GALNTL6: variants seen among roughly 807,000 people sequenced by gnomAD.
The protein encoded by GALNTL6 is polypeptide N-acetylgalactosaminyltransferase-like 6.
Under a neutral mutation model 73.7 loss-of-function variants are expected in GALNTL6, and 46 were observed. The observed-to-expected ratio is 0.62, with a 90% CI of 0.49 to 0.80. GALNTL6 has a LOEUF of 0.80. GALNTL6 is among the 30% of genes least tolerant of loss of function. The pLI is 0.00. For synonymous variants in GALNTL6, 259 were observed against 263.7 expected, an observed-to-expected ratio of 0.98 and a Z score of 0.17; for missense variants, 604 against 755.0, an observed-to-expected ratio of 0.80 and a Z score of 2.34.
At chr4:172,986,134 T>C (rs959855963) in intron 10 of GALNTL6, among the ~76,000 whole-genome samples, 2 of 152,242 alleles carry the variant, frequency 1.3e-5, no homozygotes, top group African/African-American at 4.8e-5. Flanking sequence ...CCAGATTTCT[T>C]TCACTGTCAT....
chr4:171,938,398 T>C (rs1343824002), intron 2 of GALNTL6, among the ~76,000 whole-genome samples: 1 of 152,164 alleles, frequency 6.6e-6, no homozygotes. Flanking sequence ...GCCATTTCTT[T>C]GTGTAGCATT....
At chr4:172,489,934 C>T (rs1359980516) in intron 5 of GALNTL6, among the ~76,000 whole-genome samples, 1 of 152,078 alleles carries the variant, frequency 6.6e-6, no homozygotes, top group African/African-American at 2.4e-5. Flanking sequence ...TAATTAGATA[C>T]TGAAAAAGAG....
At chr4:172,678,610 C>T (rs1732442280) in intron 5 of GALNTL6, among the ~76,000 whole-genome samples, 1 of 152,194 alleles carries the variant, frequency 6.6e-6, no homozygotes, top group Non-Finnish European at 1.5e-5. Flanking sequence ...CTAGTAATTA[C>T]TATTTTTATT....
chr4:172,096,923 C>T (rs532165903), intron 2 of GALNTL6, among the ~76,000 whole-genome samples: 69 of 152,226 alleles, frequency 4.5e-4, no homozygotes, highest in African/African-American at 1.6e-3. Flanking sequence ...CACTAAATGC[C>T]GGTATGTAGA....
At chr4:172,564,632 A>G (rs1736492506) in intron 5 of GALNTL6, among the ~76,000 whole-genome samples, 1 of 152,244 alleles carries the variant, frequency 6.6e-6, no homozygotes, top group Non-Finnish European at 1.5e-5. Flanking sequence ...CTGTAATGGC[A>G]AACATAAAGA....
At chr4:172,824,995 G>C (rs1742155946) in intron 7 of GALNTL6, among the ~76,000 whole-genome samples, 1 of 150,468 alleles carries the variant, frequency 6.6e-6, no homozygotes, top group South Asian at 2.1e-4. Flanking sequence ...CATCACTCCC[G>C]CCTTCAACAA....
Position 171,905,583 on chromosome 4 carries a change from A to G in GALNTL6, c.138+90865A>G, listed in dbSNP as rs1389653289. Among the ~76,000 whole-genome samples, 3 of 150,308 alleles carry G rather than the reference A, an allele frequency of 2.0e-5. No homozygotes were observed. In the East Asian group the frequency reaches 5.8e-4, roughly 29 times the overall value. ...CCCACTGTCAACGTTAGACAGATCAACGAGACAGAAAGTCAACAAGGATAC... is the reference window on the plus strand; with the variant it reads ...CCCACTGTCAACGTTAGACAGATCAGCGAGACAGAAAGTCAACAAGGATAC... On this transcript the variant is annotated intron_variant, in intron 2 of 12. Transcript: ENST00000506823.
At chr4:172,804,330 A>G (rs1740828801) in intron 5 of GALNTL6, among the ~76,000 whole-genome samples, 1 of 152,224 alleles carries the variant, frequency 6.6e-6, no homozygotes, top group Admixed American at 6.5e-5. Flanking sequence ...CAGAACTCAT[A>G]GCTAAGTATC....
chr4:172,252,945 A>G (rs997938771), intron 3 of GALNTL6, among the ~76,000 whole-genome samples: 1 of 152,012 alleles, frequency 6.6e-6, no homozygotes, highest in Non-Finnish European at 1.5e-5. Flanking sequence ...AAAGGAAAAC[A>G]CAACATTTCC....
At chr4:172,606,715 GTA>G (rs138021622) in intron 5 of GALNTL6, among the ~76,000 whole-genome samples, 16 of 103,656 alleles carry the variant, frequency 1.5e-4, no homozygotes, top group African/African-American at 5.1e-4. Context: ...TATATATATA[GTA>G]TATATATATA....
At chr4:172,085,451 G>A (rs1019091142) in intron 2 of GALNTL6, among the ~76,000 whole-genome samples, 1 of 152,112 alleles carries the variant, frequency 6.6e-6, no homozygotes, top group African/African-American at 2.4e-5. Flanking sequence ...ACTTTCGGAG[G>A]CCAAGGCGGG....
intron 2 of GALNTL6, among the ~76,000 whole-genome samples, chr4:171,971,737 AT>A (rs1186225669): frequency 4.6e-5 from 7 of 152,214 alleles, no homozygotes; most frequent in Non-Finnish European, 7.3e-5. Flanking sequence ...TTATAAAAAA[AT>A]ATAGGATTTT....
chr4:172,614,019 G>A (rs1738625099), intron 5 of GALNTL6, among the ~76,000 whole-genome samples: 2 of 152,024 alleles, frequency 1.3e-5, no homozygotes, highest in Non-Finnish European at 2.9e-5. Context: ...TTATACTGGG[G>A]AAACCTAGAT....
At chr4:172,991,063 A>C (rs1459597441) in intron 10 of GALNTL6, among the ~76,000 whole-genome samples, 1 of 152,202 alleles carries the variant, frequency 6.6e-6, no homozygotes, top group Non-Finnish European at 1.5e-5. Context: ...GTCAAATATC[A>C]AAGATTTAAA....
intron 2 of GALNTL6, among the ~76,000 whole-genome samples, chr4:172,086,101 G>A (rs904285600): frequency 2.0e-5 from 3 of 151,838 alleles, no homozygotes; most frequent in Non-Finnish European, 4.4e-5. Context: ...ATATTCTCTC[G>A]GCTGGCATTA....
In GALNTL6 at chr4:172,374,253, T is replaced by C. The variant is rs188314251; in HGVS notation, c.553+25564T>C. Reference sequence around the variant, plus strand: ...CCAAGGTTTCTTTGTCTGAGGGCCATGACTAAGGCTGCGGCCTTTCTCTGA... The same window carrying C: ...CCAAGGTTTCTTTGTCTGAGGGCCACGACTAAGGCTGCGGCCTTTCTCTGA... On this transcript the variant is annotated intron_variant, in intron 5 of 12. Coordinates refer to ENST00000506823, the MANE Select transcript of GALNTL6 (RefSeq NM_001034845.3). Among the ~76,000 whole-genome samples, 664 of 152,336 alleles carry C rather than the reference T, an allele frequency of 4.4e-3. 4 individuals are homozygous for C. Among genetic ancestry groups the C allele is most frequent in the African/African-American group, 0.015 (628 of 41,560 alleles).
At chr4:171,975,061 G>C (rs1739678746) in intron 2 of GALNTL6, among the ~76,000 whole-genome samples, 1 of 152,134 alleles carries the variant, frequency 6.6e-6, no homozygotes, top group Admixed American at 6.6e-5. Flanking sequence ...AGTGGGAAAT[G>C]CCAGCATCAA....
chr4:172,798,866 C>A (rs1740440287), intron 5 of GALNTL6, among the ~76,000 whole-genome samples: 1 of 152,120 alleles, frequency 6.6e-6, no homozygotes, highest in Admixed American at 6.5e-5. Context: ...TATACTGGTT[C>A]TTTTTATCAT....
At chr4:172,558,919 C>T (rs1046184433) in intron 5 of GALNTL6, among the ~76,000 whole-genome samples, 1 of 152,068 alleles carries the variant, frequency 6.6e-6, no homozygotes, top group Non-Finnish European at 1.5e-5. Flanking sequence ...TTCCAAATCC[C>T]ACCCTCTGGT....
Sources: gnomAD v4.1 joint callset for allele counts (sites outside exome capture counted in the v4.1 genomes callset) on GRCh38, gnomAD v4.1.1 for gene constraint, MANE v1.5 for transcripts, NCBI Gene and HGNC (gene_info 2026-07-23, HGNC 2026-07-21) for gene names.